SVIL: variants seen among roughly 807,000 people sequenced by gnomAD.
SVIL encodes supervillin, also known as archvillin.
SVIL carries 101 observed loss-of-function variants against 240.4 expected under a neutral mutation model. The ratio of observed to expected loss-of-function variants is 0.42; its 90% CI spans 0.36 to 0.50. The LOEUF (loss-of-function observed/expected upper bound fraction) is 0.50, where lower values mean the gene tolerates loss of function less well. SVIL is among the 20% of genes least tolerant of loss of function. The pLI is 0.01. For missense variants in SVIL, 2,512 were observed against 2,818.7 expected, an observed-to-expected ratio of 0.89 and a Z score of 2.46; for synonymous variants, 999 against 1,100.0, an observed-to-expected ratio of 0.91 and a Z score of 1.82.
intron 1 of SVIL, among the ~76,000 whole-genome samples, chr10:29,629,179 G>T (rs1182924834): frequency 6.6e-6 from 1 of 152,134 alleles, no homozygotes; most frequent in Non-Finnish European, 1.5e-5. Flanking sequence ...GAGAAGCCAG[G>T]AGAAGAGCAG....
At chr10:29,488,916 C>G (rs1947693292) in intron 22 of SVIL, among the ~76,000 whole-genome samples, 160 bp from the exon 23 acceptor site, 1 of 152,226 alleles carries the variant, frequency 6.6e-6, no homozygotes, top group African/African-American at 2.4e-5. Flanking sequence ...CAATTCAATG[C>G]TTAACCACTG....
intron 16 of SVIL, among the ~76,000 whole-genome samples, chr10:29,519,513 G>A (rs1236646557): frequency 6.6e-6 from 1 of 152,140 alleles, no homozygotes; most frequent in Non-Finnish European, 1.5e-5. Context: ...AATAGTTTAA[G>A]CTTCATTATT....
At chr10:29,509,831 C>A (rs1006312378) in intron 17 of SVIL, among the ~76,000 whole-genome samples, 1 of 151,988 alleles carries the variant, frequency 6.6e-6, no homozygotes, top group African/African-American at 2.4e-5. Context: ...GCCTGGGCAA[C>A]GAGAATGAAA....
At chr10:29,498,649 C>T (rs1948642017) in intron 18 of SVIL, among the ~76,000 whole-genome samples, 2 of 152,042 alleles carry the variant, frequency 1.3e-5, no homozygotes, top group South Asian at 4.1e-4. Context: ...ACAGAACCTA[C>T]ACAAAAAACA....
chr10:29,584,222 C>T (rs1171227154), intron 1 of SVIL, among the ~76,000 whole-genome samples: 1 of 152,164 alleles, frequency 6.6e-6, no homozygotes, highest in Non-Finnish European at 1.5e-5. Context: ...CTAACCGGGG[C>T]GTGGGCTTAA....
chr10:29,472,869 A>G (rs993700892), intron 30 of SVIL, among the ~76,000 whole-genome samples: 1 of 152,120 alleles, frequency 6.6e-6, no homozygotes, highest in Non-Finnish European at 1.5e-5. Flanking sequence ...GTGCTGTGAA[A>G]ATAAAGGGAT....
chr10:29,724,973 G>A (rs186903435), intron 1 of SVIL, among the ~76,000 whole-genome samples: 1 of 139,502 alleles, frequency 7.2e-6, no homozygotes, highest in African/African-American at 2.7e-5. Context: ...AGGTTGCGGT[G>A]AGCCAAGATC....
chr10:29,522,725 C>T, intron 15 of SVIL, 90 bp from the exon 16 acceptor site: 1 of 1,417,358 alleles, frequency 7.1e-7, no homozygotes, highest in East Asian at 2.5e-5. Flanking sequence ...TCTCAGGGTT[C>T]AATCCGTGGG....
intron 1 of SVIL, among the ~76,000 whole-genome samples, chr10:29,579,714 C>T (rs756785894): frequency 7.2e-5 from 11 of 152,140 alleles, no homozygotes; most frequent in Non-Finnish European, 1.2e-4. Context: ...CACACAAGCA[C>T]CCCTGCAACG....
chr10:29,563,883 A>C (rs1178085972), intron 2 of SVIL, among the ~76,000 whole-genome samples: 2 of 49,332 alleles, frequency 4.1e-5, no homozygotes, highest in Non-Finnish European at 8.5e-5. Context: ...TCCTTAATGC[A>C]TCTTAATACA....
At chr10:29,532,194 G>C in intron 8 of SVIL, 22 bp from the exon 9 acceptor site, 1 of 1,603,724 alleles carries the variant, frequency 6.2e-7, no homozygotes. Context: ...AAAGGGCAGA[G>C]AGTATAAGGA....
intron 1 of SVIL, among the ~76,000 whole-genome samples, chr10:29,733,632 T>C (rs1267032724): frequency 2.0e-5 from 3 of 152,146 alleles, no homozygotes; most frequent in Admixed American, 2.0e-4. Context: ...GAGAAGAAAG[T>C]GAAGCTCAGA....
intron 1 of SVIL, among the ~76,000 whole-genome samples, chr10:29,627,966 C>T (rs1309944263): frequency 1.3e-5 from 2 of 152,208 alleles, no homozygotes; most frequent in Admixed American, 1.3e-4. Context: ...CTTAACGGTA[C>T]AGCCAAGCCT....
At chr10:29,726,712 A>G (rs188135017) in intron 1 of SVIL, among the ~76,000 whole-genome samples, 10 of 152,132 alleles carry the variant, frequency 6.6e-5, no homozygotes, top group African/African-American at 2.4e-4. Flanking sequence ...ACGCTGCTGC[A>G]CTCTGGCCTG....
chr10:29,650,094 A>G (rs12259359), intron 3 of SVIL, among the ~76,000 whole-genome samples: 4,863 of 152,226 alleles, frequency 0.032, 300 homozygotes, highest in African/African-American at 0.11. Flanking sequence ...TATTGTTTCT[A>G]AACTACCCAG....
chr10:29,729,782 C>T (rs1387685788), intron 1 of SVIL, among the ~76,000 whole-genome samples: 12 of 130,628 alleles, frequency 9.2e-5, no homozygotes, highest in African/African-American at 2.4e-4. Flanking sequence ...TGCAGTGAGC[C>T]GAGATTGCAC....
In SVIL at chr10:29,478,599, G is replaced by C. The variant is rs144598514; in HGVS notation, c.5377+1938C>G. Among the ~76,000 whole-genome samples the C allele has an allele frequency of 4.8e-3, 723 of 152,098 alleles. 6 individuals are homozygous for C. The highest frequency in any genetic ancestry group is 0.017 in the African/African-American group (694 of 41,500). On this transcript the variant is annotated intron_variant, in intron 29 of 37. Transcript: ENST00000355867. The stretch of plus-strand genomic sequence containing the variant: ...CTGTGGCCTTCCCTCAAGGGACACA[G>C]CTCCTTATGAAAAAGGAAAGGAGCA...
intron 1 of SVIL, among the ~76,000 whole-genome samples, chr10:29,616,871 C>T (rs749718590): frequency 4.6e-5 from 7 of 152,152 alleles, no homozygotes; most frequent in Non-Finnish European, 7.3e-5. Flanking sequence ...TATAGGCCCA[C>T]GCCACGAAGC....
intron 1 of SVIL, among the ~76,000 whole-genome samples, chr10:29,704,973 TG>T (rs1221994550): frequency 6.6e-6 from 1 of 152,220 alleles, no homozygotes; most frequent in African/African-American, 2.4e-5. Context: ...ATGTACGCAA[TG>T]GATCTGTCTA....
Sources: allele counts gnomAD v4.1 joint callset (sites outside exome capture counted in the v4.1 genomes callset), GRCh38; gene constraint gnomAD v4.1.1; transcripts MANE v1.5; gene names NCBI Gene and HGNC (gene_info 2026-07-23, HGNC 2026-07-21).